The following PRKN variants were observed in gnomAD, a reference collection of about 807,000 sequenced individuals.
PRKN encodes parkin RBR E3 ubiquitin protein ligase.
In PRKN, 56 loss-of-function variants were observed where a neutral mutation model predicts 59.5. That is an observed-to-expected ratio of 0.94 (90% CI 0.76 to 1.18). The LOEUF (loss-of-function observed/expected upper bound fraction) is 1.18. Ranked by LOEUF, PRKN falls within the 50% of genes most tolerant of loss-of-function variation. The pLI is 0.00. For synonymous variants in PRKN, 250 were observed against 222.1 expected, an observed-to-expected ratio of 1.13 and a Z score of -1.12; for missense variants, 657 against 596.4, an observed-to-expected ratio of 1.10 and a Z score of -1.06.
intron 9 of PRKN, among the ~76,000 whole-genome samples, chr6:161,517,466 C>T (rs1034678310): frequency 1.4e-4 from 21 of 152,022 alleles, no homozygotes; most frequent in African/African-American, 4.6e-4. Flanking sequence ...CTAGGCCGGG[C>T]GTGGTGGCTC....
At chr6:162,645,620 A>G (rs1269305443) in intron 1 of PRKN, among the ~76,000 whole-genome samples, 2 of 152,208 alleles carry the variant, frequency 1.3e-5, no homozygotes, top group Admixed American at 6.5e-5. Flanking sequence ...GAAGAAAAAA[A>G]AAGTGCTTTT....
intron 7 of PRKN, among the ~76,000 whole-genome samples, chr6:161,652,450 G>A (rs944237760): frequency 1.3e-5 from 2 of 152,118 alleles, no homozygotes; most frequent in Non-Finnish European, 2.9e-5. Context: ...GTAGACTATA[G>A]TATTATATTT....
At chr6:161,926,235 G>C (rs908219818) in intron 6 of PRKN, among the ~76,000 whole-genome samples, 2 of 152,206 alleles carry the variant, frequency 1.3e-5, no homozygotes, top group South Asian at 2.1e-4. Flanking sequence ...TGATCTATTC[G>C]GTAGTCCTAA....
In PRKN at chr6:161,450,209, T is replaced by C. The variant is rs185825210; in HGVS notation, c.1084-63332A>G. 2.1e-3 allele frequency among the ~76,000 whole-genome samples: 325 copies of C among 152,298 alleles called. 1 individual carries two copies. The highest frequency in any genetic ancestry group is 0.014 in the Middle Eastern group (4 of 294). ...GAAGGTGTATGGCCAAAGGAGGACT[T>C]GCCCTGATTGCCACTGGCAAAGACG... On this transcript the variant is annotated intron_variant, in intron 9 of 11. Transcript: ENST00000366898.
At chr6:162,632,730 G>T (rs1777546529) in intron 1 of PRKN, among the ~76,000 whole-genome samples, 1 of 151,984 alleles carries the variant, frequency 6.6e-6, no homozygotes, top group Admixed American at 6.6e-5. Flanking sequence ...GAAGTAGGTA[G>T]AAAAGACAAA....
intron 7 of PRKN, among the ~76,000 whole-genome samples, chr6:161,725,636 T>C (rs1370364553): frequency 1.3e-5 from 2 of 152,226 alleles, no homozygotes; most frequent in African/African-American, 2.4e-5. Context: ...GCAGTCATTA[T>C]TGCCAACACT....
intron 2 of PRKN, among the ~76,000 whole-genome samples, chr6:162,293,568 C>T (rs1318178611): frequency 6.6e-6 from 1 of 152,142 alleles, no homozygotes. Context: ...CATTGGGGGG[C>T]CCCACCTCCA....
At chr6:162,165,561 A>G (rs2128318022) in intron 4 of PRKN, among the ~76,000 whole-genome samples, 1 of 149,716 alleles carries the variant, frequency 6.7e-6, no homozygotes, top group South Asian at 2.1e-4. Context: ...AAGAAAGCAC[A>G]TAACATTGTC....
intron 1 of PRKN, among the ~76,000 whole-genome samples, chr6:162,483,927 T>G (rs1328213898): frequency 6.6e-6 from 1 of 152,204 alleles, no homozygotes. Context: ...TTCCATTCAT[T>G]TAAGGGAATA....
intron 7 of PRKN, among the ~76,000 whole-genome samples, chr6:161,699,944 T>C (rs1300612626): frequency 6.6e-6 from 1 of 152,158 alleles, no homozygotes; most frequent in African/African-American, 2.4e-5. Flanking sequence ...GTTGGAGAGC[T>C]TTAGAAGCCT....
intron 1 of PRKN, among the ~76,000 whole-genome samples, chr6:162,474,006 T>C (rs1426990352): frequency 1.3e-5 from 2 of 152,204 alleles, no homozygotes; most frequent in African/African-American, 4.8e-5. Flanking sequence ...AAAGCAAATT[T>C]AAATTTAATT....
intron 1 of PRKN, chr6:162,727,134 A>C (rs61173844): frequency 0.24 from 36,998 of 152,772 alleles, 5,210 homozygotes; most frequent in African/African-American, 0.36. Context: ...GCAAGTTTAG[A>C]TCTATCTGGA....
At chr6:162,156,493 G>C (rs1351643962) in intron 4 of PRKN, among the ~76,000 whole-genome samples, 1 of 152,146 alleles carries the variant, frequency 6.6e-6, no homozygotes, top group African/African-American at 2.4e-5. Context: ...ACAGATGTAA[G>C]AGTCCAAAAG....
chr6:162,248,406 C>T (rs57932514), intron 3 of PRKN, among the ~76,000 whole-genome samples: 3,398 of 152,248 alleles, frequency 0.022, 101 homozygotes, highest in African/African-American at 0.059. Flanking sequence ...ATTAATCCAG[C>T]CTTTTATTAG....
At chr6:162,266,095 A>G (rs1780118489) in intron 2 of PRKN, among the ~76,000 whole-genome samples, 1 of 152,156 alleles carries the variant, frequency 6.6e-6, no homozygotes, top group African/African-American at 2.4e-5. Context: ...CACAGAAGGA[A>G]AAGTGGAGAA....
chr6:162,124,811 A>G (rs146648948), intron 4 of PRKN, among the ~76,000 whole-genome samples: 13 of 152,326 alleles, frequency 8.5e-5, no homozygotes, highest in African/African-American at 3.1e-4. Flanking sequence ...GCAGACGCCA[A>G]GAAGTAACCT....
At chr6:161,662,410 G>A in intron 7 of PRKN, among the ~76,000 whole-genome samples, 1 of 152,148 alleles carries the variant, frequency 6.6e-6, no homozygotes, top group Non-Finnish European at 1.5e-5. Flanking sequence ...GGATGGTGGT[G>A]GTGGTGGTAT....
At chr6:161,939,831 A>T (rs914319035) in intron 6 of PRKN, among the ~76,000 whole-genome samples, 4 of 152,098 alleles carry the variant, frequency 2.6e-5, no homozygotes, top group African/African-American at 9.7e-5. Flanking sequence ...TTACTAAGTA[A>T]TTTTTTTATT....
intron 6 of PRKN, among the ~76,000 whole-genome samples, chr6:161,963,825 G>T (rs1371502780): frequency 6.6e-6 from 1 of 152,186 alleles, no homozygotes; most frequent in African/African-American, 2.4e-5. Context: ...GTCTTGTGCT[G>T]GCCACGGTAG....
Sources: allele counts gnomAD v4.1 joint callset (sites outside exome capture counted in the v4.1 genomes callset), GRCh38; gene constraint gnomAD v4.1.1; transcripts MANE v1.5; gene names NCBI Gene and HGNC (gene_info 2026-07-23, HGNC 2026-07-21).